The following CACNA1A variants were observed in gnomAD, a reference collection of about 807,000 sequenced individuals.
CACNA1A encodes voltage-dependent P/Q-type calcium channel subunit alpha-1A.
Under a neutral mutation model 262.4 loss-of-function variants are expected in CACNA1A, and 57 were observed. That is an observed-to-expected ratio of 0.22 (90% CI 0.18 to 0.27). The LOEUF (loss-of-function observed/expected upper bound fraction) is 0.27. CACNA1A is among the 10% of genes least tolerant of loss of function. The pLI, the probability that CACNA1A is intolerant of heterozygous loss-of-function variation, is 1.00. For synonymous variants in CACNA1A, 1,431 were observed against 1,419.3 expected (o/e 1.01, Z -0.18); for missense variants, 2,526 against 3,562.8 (o/e 0.71, Z 7.41).
chr19:13,207,724 C>T lies in CACNA1A; in HGVS notation c.7110G>A (p.Arg2370=). 1 of 1,370,322 alleles carries T rather than the reference C, an allele frequency of 7.3e-7. No individual in the cohort carries two copies. The highest frequency in any genetic ancestry group is 3.1e-5 in the East Asian group (1 of 32,284). 84.9% of individuals were successfully genotyped at this position (1,370,322 alleles called of 1,614,324 possible). ...SSGRSPRMER[R]VPGPARSESP... ...ACTCGCTCCGGGCCGGGCCTGGGAC[C>T]CGCCTCTCCATCCTGGGCGAGCGGC... is the stretch of plus-strand genomic sequence containing the variant. Residue 2370 remains arginine (R), a synonymous_variant, in exon 47 of 47, where the codon CGG becomes CGA. Transcript: ENST00000360228. The surrounding 1 kb of genome is among the most constrained non-coding windows in gnomAD (Gnocchi z 5.7).
rs1351019055 is a variant in CACNA1A at position 13,207,778 on chromosome 19, A to C, written c.7056T>G (p.Asp2352Glu). Residue 2352 changes from aspartate to glutamate, a missense_variant, in exon 47 of 47, where the codon GAT becomes GAG. Asp to Glu is a conservative substitution (Grantham distance 45). Coordinates refer to ENST00000360228, the MANE Select transcript of CACNA1A (RefSeq NM_001127222.2). The surrounding 1 kb of genome is among the most constrained non-coding windows in gnomAD (Gnocchi z 5.7). ...PGPTAEPLAGDRPPTGGHSSG... is the reference protein window; with the variant it reads ...PGPTAEPLAGERPPTGGHSSG... Reference sequence around the variant, plus strand: ...TGCTGTGGCCCCCCGTGGGCGGCCGATCTCCGGCCAGAGGCTCGGCCGTGG... The same window carrying C: ...TGCTGTGGCCCCCCGTGGGCGGCCGCTCTCCGGCCAGAGGCTCGGCCGTGG... The C allele has an allele frequency of 4.3e-6, 6 of 1,385,066 alleles. No homozygotes were observed. The Admixed American group carries it at 1.4e-4, about 33-fold the overall frequency. The allele number at this position is 1,385,066 out of a possible 1,614,324, so 85.8% of individuals were successfully genotyped here.
chr19:13,388,026 G>A (rs1039483833), intron 3 of CACNA1A, among the ~76,000 whole-genome samples: 1 of 151,952 alleles, frequency 6.6e-6, no homozygotes, highest in Non-Finnish European at 1.5e-5. Flanking sequence ...GCAGGGGAGG[G>A]GATGGGGATG....
intron 1 of CACNA1A, among the ~76,000 whole-genome samples, chr19:13,464,149 G>C (rs1473118155): frequency 6.6e-6 from 1 of 152,216 alleles, no homozygotes; most frequent in Non-Finnish European, 1.5e-5. Context: ...AGCCCTTTGG[G>C]AGGCCAAGGC....
At chr19:13,442,038 T>C (rs554355749) in intron 3 of CACNA1A, among the ~76,000 whole-genome samples, 1 of 152,192 alleles carries the variant, frequency 6.6e-6, no homozygotes, top group South Asian at 2.1e-4. Context: ...GAAGAGAACA[T>C]TTTAGCACAA....
At chr19:13,389,278 C>T (rs1453127786) in intron 3 of CACNA1A, among the ~76,000 whole-genome samples, 1 of 152,184 alleles carries the variant, frequency 6.6e-6, no homozygotes, top group Non-Finnish European at 1.5e-5. Flanking sequence ...CATTCTGGTG[C>T]TCCATGGGTG....
At chr19:13,255,311 T>C in intron 28 of CACNA1A, 52 bp from the exon 29 acceptor site, 1 of 1,502,474 alleles carries the variant, frequency 6.7e-7, no homozygotes, top group East Asian at 2.4e-5. Context: ...GGAAGGTGGC[T>C]GTACACCGGG....
In CACNA1A at chr19:13,212,900, C is replaced by G. The variant is rs1398529062; in HGVS notation, c.5941-160G>C. On this transcript the variant is annotated intron_variant, in intron 40 of 46. Coordinates refer to ENST00000360228, the MANE Select transcript of CACNA1A (RefSeq NM_001127222.2). This position sits in a 1 kb window ranked among gnomAD's most constrained non-coding sequence, Gnocchi z 5.6. ...CCTTCCAATTCCACGCAGAACTGGA[C>G]CACTTCTCACTCCTCCACCCAAGTC... Among the ~76,000 whole-genome samples, 4 of 151,994 alleles carry G rather than the reference C, an allele frequency of 2.6e-5. No individual in the cohort carries two copies. The highest frequency in any genetic ancestry group is 9.7e-5 in the African/African-American group (4 of 41,356).
chr19:13,253,940 A>C (rs2056472663), intron 29 of CACNA1A, among the ~76,000 whole-genome samples: 2 of 149,604 alleles, frequency 1.3e-5, no homozygotes, highest in African/African-American at 2.5e-5. Flanking sequence ...GGATTTCACC[A>C]TGTTGGCCAG....
chr19:13,343,618 T>A (rs1389009295), intron 6 of CACNA1A, among the ~76,000 whole-genome samples: 1 of 152,088 alleles, frequency 6.6e-6, no homozygotes, highest in Admixed American at 6.6e-5. Context: ...ATACTGGAAT[T>A]CTGTCAAGCA....
chr19:13,234,786 G>A (rs533176894), intron 34 of CACNA1A, 135 bp downstream of exon 34: 9 of 654,688 alleles, frequency 1.4e-5, no homozygotes, highest in South Asian at 3.7e-5. Flanking sequence ...GTGAGGGCGC[G>A]CCCCTGCCAG....
At chr19:13,426,994 T>C (rs758524777) in intron 3 of CACNA1A, among the ~76,000 whole-genome samples, 1 of 152,244 alleles carries the variant, frequency 6.6e-6, no homozygotes, top group African/African-American at 2.4e-5. Flanking sequence ...TGCATTAGCA[T>C]GCAGGCAACA....
At chr19:13,246,533 G>A (rs2056239878) in intron 30 of CACNA1A, among the ~76,000 whole-genome samples, 2 of 152,276 alleles carry the variant, frequency 1.3e-5, no homozygotes, top group East Asian at 3.9e-4. Context: ...AGATGTGGGG[G>A]CTGTTTGTTA....
At chr19:13,375,065 A>G (rs2059382092) in intron 3 of CACNA1A, among the ~76,000 whole-genome samples, 1 of 152,132 alleles carries the variant, frequency 6.6e-6, no homozygotes, top group Admixed American at 6.6e-5. Context: ...TGTGTCAAGG[A>G]GGTCTATCAG....
At chr19:13,431,448 G>C (rs2060502003) in intron 3 of CACNA1A, among the ~76,000 whole-genome samples, 1 of 152,052 alleles carries the variant, frequency 6.6e-6, no homozygotes, top group African/African-American at 2.4e-5. Context: ...TGAGGCCAGA[G>C]CACTGCAGGG....
At chr19:13,467,243 A>C (rs148069755) in intron 1 of CACNA1A, among the ~76,000 whole-genome samples, 1 of 152,162 alleles carries the variant, frequency 6.6e-6, no homozygotes, top group South Asian at 2.1e-4. Flanking sequence ...TAAATGACAC[A>C]CTACACATTT....
chr19:13,412,435 T>G (rs1259787581), intron 3 of CACNA1A, among the ~76,000 whole-genome samples: 1 of 152,022 alleles, frequency 6.6e-6, no homozygotes, highest in Non-Finnish European at 1.5e-5. Flanking sequence ...GTGAAGGGTA[T>G]GTGGGAACTC....
chr19:13,359,752 C>T lies in CACNA1A; in HGVS notation c.832G>A (p.Ala278Thr), dbSNP rs1013100046. Residue 278 changes from alanine to threonine, a missense_variant, in exon 6 of 47, where the codon GCC (alanine) becomes ACC (threonine). By Grantham distance (58) the Ala-to-Thr change is moderately conservative. This residue lies in a region of CACNA1A where 52 missense variants were observed against 124.0 expected (regional missense o/e 0.42). Coordinates refer to ENST00000360228, the MANE Select transcript of CACNA1A (RefSeq NM_001127222.2). ...SPAPCGTEEPARTCPNGTKCQ... is the reference protein window; with the variant it reads ...SPAPCGTEEPTRTCPNGTKCQ... ...TTGGTCCCATTGGGGCAGGTGCGGG[C>T]GGGCTCTTCTGTCCCACATGGAGCC... 3 of 1,559,202 alleles carry T rather than the reference C, an allele frequency of 1.9e-6. No homozygotes were observed. The highest frequency in any genetic ancestry group is 2.6e-6 in the Non-Finnish European group (3 of 1,151,160).
chr19:13,230,994 T>TG (rs950232681), intron 35 of CACNA1A, among the ~76,000 whole-genome samples: 5 of 132,278 alleles, frequency 3.8e-5, no homozygotes, highest in East Asian at 2.2e-4. Context: ...AATGTTTTTT[T>TG]TTTTTTTGTT....
chr19:13,458,138 C>T (rs566663769), intron 1 of CACNA1A, among the ~76,000 whole-genome samples: 33 of 152,142 alleles, frequency 2.2e-4, no homozygotes, highest in South Asian at 1.9e-3. Context: ...CCTCCCCTCT[C>T]CTTTCTTTTC....
Sources: allele counts gnomAD v4.1 joint callset (sites outside exome capture counted in the v4.1 genomes callset), GRCh38; gene constraint gnomAD v4.1.1; regional missense constraint gnomAD v4.1.1; non-coding constraint Gnocchi (gnomAD v3.1); transcripts MANE v1.5; gene names NCBI Gene and HGNC (gene_info 2026-07-23, HGNC 2026-07-21).